ZFHX4: variants seen among roughly 807,000 people sequenced by gnomAD.
The protein encoded by ZFHX4 is zinc finger homeobox protein 4.
A neutral mutation model predicts 267.6 loss-of-function variants in ZFHX4; 56 were observed. That is an observed-to-expected ratio of 0.21 (90% CI 0.17 to 0.26). The LOEUF is 0.26. ZFHX4 is among the 10% of genes least tolerant of loss of function. The probability of loss-of-function intolerance (pLI) is 1.00; values close to 1 mark genes in which losing one functional copy is unlikely to be tolerated. For missense variants in ZFHX4, 4,332 were observed against 4,420.0 expected (o/e 0.98, Z 0.56); for synonymous variants, 1,778 against 1,665.6 (o/e 1.07, Z -1.64).
intron 3 of ZFHX4, among the ~76,000 whole-genome samples, chr8:76,741,991 T>C (rs1585900002): frequency 6.6e-6 from 1 of 152,182 alleles, no homozygotes; most frequent in Non-Finnish European, 1.5e-5. Context: ...ATCTCAGAAA[T>C]AGTGTTCTCT....
intron 1 of ZFHX4, among the ~76,000 whole-genome samples, chr8:76,701,994 T>C (rs1336876063): frequency 6.6e-6 from 1 of 152,174 alleles, no homozygotes; most frequent in Non-Finnish European, 1.5e-5. Flanking sequence ...CAAGAGATTA[T>C]ATTTTAGGCA....
chr8:76,823,753 G>A (rs919446704), intron 4 of ZFHX4, among the ~76,000 whole-genome samples: 3 of 151,902 alleles, frequency 2.0e-5, no homozygotes, highest in Non-Finnish European at 4.4e-5. Flanking sequence ...TTATCATGTT[G>A]GTAAAAAACA....
At chr8:76,769,210 A>G (rs1482365958) in intron 3 of ZFHX4, among the ~76,000 whole-genome samples, 1 of 152,234 alleles carries the variant, frequency 6.6e-6, no homozygotes, top group Non-Finnish European at 1.5e-5. Context: ...AATGGATGAC[A>G]TGAATGATCT....
chr8:76,737,790 T>C (rs758966409), intron 3 of ZFHX4, among the ~76,000 whole-genome samples: 25 of 152,160 alleles, frequency 1.6e-4, no homozygotes, highest in Non-Finnish European at 2.9e-4. Flanking sequence ...GCATGTAGGA[T>C]AGGCTGTTTG....
At chr8:76,720,898 G>A (rs1056625658) in intron 3 of ZFHX4, among the ~76,000 whole-genome samples, 1 of 152,172 alleles carries the variant, frequency 6.6e-6, no homozygotes, top group African/African-American at 2.4e-5. Context: ...AGGTCACATA[G>A]CTAGTAGTAA....
intron 3 of ZFHX4, among the ~76,000 whole-genome samples, chr8:76,745,475 G>A (rs1809434881): frequency 1.3e-5 from 2 of 152,082 alleles, no homozygotes; most frequent in South Asian, 4.1e-4. Context: ...TGTAGGGTAA[G>A]TCTGTACTTA....
At chr8:76,793,270 A>C (rs1390596944) in intron 4 of ZFHX4, among the ~76,000 whole-genome samples, 1 of 152,166 alleles carries the variant, frequency 6.6e-6, no homozygotes, top group African/African-American at 2.4e-5. Flanking sequence ...AAAAAAGAGT[A>C]CTATTAGAGG....
chr8:76,839,301 G>T (rs992678022), intron 5 of ZFHX4, among the ~76,000 whole-genome samples: 2 of 152,136 alleles, frequency 1.3e-5, no homozygotes, highest in African/African-American at 2.4e-5. Context: ...TATATGTAGA[G>T]TAACTTATAA....
At chr8:76,820,809 G>C (rs1811628789) in intron 4 of ZFHX4, among the ~76,000 whole-genome samples, 1 of 152,072 alleles carries the variant, frequency 6.6e-6, no homozygotes, top group African/African-American at 2.4e-5. Flanking sequence ...TAATGGTGTT[G>C]GCTCATAGCT....
chr8:76,837,092 A>C (rs888139483), intron 5 of ZFHX4, among the ~76,000 whole-genome samples: 5 of 152,134 alleles, frequency 3.3e-5, no homozygotes, highest in Admixed American at 2.0e-4. Flanking sequence ...TTGGACATCC[A>C]GTACAGTTAC....
chr8:76,786,285 C>T (rs1288661678), intron 4 of ZFHX4, among the ~76,000 whole-genome samples: 2 of 151,450 alleles, frequency 1.3e-5, no homozygotes, highest in Non-Finnish European at 2.9e-5. Flanking sequence ...AAAAATTGCT[C>T]GTCATTTTGT....
chr8:76,762,634 C>G (rs1195466235), intron 3 of ZFHX4, among the ~76,000 whole-genome samples: 1 of 152,158 alleles, frequency 6.6e-6, no homozygotes, highest in African/African-American at 2.4e-5. Flanking sequence ...TTACACTACT[C>G]GTCACAGTTC....
At position 76,864,653 on chromosome 8, in the gene ZFHX4, C is replaced by G. The variant is rs1812982977; in HGVS notation, c.*88C>G. The G allele has an allele frequency of 5.0e-6, 5 of 999,500 alleles. No homozygotes were observed. Among genetic ancestry groups the G allele is most frequent in the South Asian group, 4.4e-5 (2 of 45,520 alleles). 61.9% of individuals were successfully genotyped at this position (999,500 alleles called of 1,614,324 possible). A position where few individuals can be genotyped will look rare whatever the true frequency, so the allele number is the denominator to read the frequency against. On this transcript the variant is annotated 3_prime_UTR_variant, in exon 11 of 11. Transcript: ENST00000651372. ...CTTTAACTGCAGTTCCAAAGCTTCT[C>G]TAACCCAAAAATTACAGTACCAAAT...
chr8:76,743,114 G>A (rs2131687506), intron 3 of ZFHX4, among the ~76,000 whole-genome samples: 1 of 152,326 alleles, frequency 6.6e-6, no homozygotes, highest in South Asian at 2.1e-4. Context: ...TGGGGAAAAG[G>A]AGAAGAGTAG....
At chr8:76,799,200 T>G (rs761514212) in intron 4 of ZFHX4, among the ~76,000 whole-genome samples, 13 of 152,134 alleles carry the variant, frequency 8.5e-5, no homozygotes, top group Non-Finnish European at 1.3e-4. Flanking sequence ...CTTGCTAACA[T>G]TATCACATGC....
In ZFHX4 at chr8:76,854,293, C is replaced by T; in HGVS notation, c.7372C>T (p.Leu2458Phe). 6.2e-7 allele frequency: 1 copy of T among 1,605,608 alleles called. No homozygotes were observed. The highest frequency in any genetic ancestry group is 2.2e-5 in the East Asian group (1 of 44,482). The change falls in exon 10 of 11, where the codon CTT (leucine) becomes TTT (phenylalanine). Residue 2458 changes from leucine to phenylalanine, a missense_variant. Leu to Phe is a conservative substitution (Grantham distance 22). This residue lies in a region of ZFHX4 where 1,648 missense variants were observed against 1,625.0 expected (regional missense o/e 1.01). Coordinates refer to ENST00000651372, the MANE Select transcript of ZFHX4 (RefSeq NM_024721.5). ...PQPQPPKQPQ[L>F]IGRPPSASQT... ...GCCACAGCCACCAAAACAACCCCAA[C>T]TTATCGGAAGACCTCCCTCGGCCTC...
intron 1 of ZFHX4, among the ~76,000 whole-genome samples, chr8:76,684,585 G>T (rs1044906819): frequency 6.6e-6 from 1 of 152,196 alleles, no homozygotes; most frequent in East Asian, 1.9e-4. Context: ...AATCTGAAAA[G>T]TGAAATGTAC....
chr8:76,845,078 T>C (rs1388491315), intron 6 of ZFHX4, among the ~76,000 whole-genome samples: 2 of 152,128 alleles, frequency 1.3e-5, no homozygotes, highest in African/African-American at 2.4e-5. Flanking sequence ...AACTTTAACA[T>C]AGAATTTTTT....
chr8:76,768,755 G>A (rs1387698015), intron 3 of ZFHX4, among the ~76,000 whole-genome samples: 2 of 152,114 alleles, frequency 1.3e-5, no homozygotes, highest in Non-Finnish European at 2.9e-5. Context: ...GGAGAGAAAG[G>A]TCATTGTTAG....
Sources: gnomAD v4.1 joint callset for allele counts (sites outside exome capture counted in the v4.1 genomes callset) on GRCh38, gnomAD v4.1.1 for gene constraint, gnomAD v4.1.1 regional missense constraint, MANE v1.5 for transcripts, NCBI Gene and HGNC (gene_info 2026-07-23, HGNC 2026-07-21) for gene names.